The following DOCK9 variants were observed in gnomAD, a reference collection of about 807,000 sequenced individuals.
DOCK9 encodes the protein dedicator of cytokinesis 9.
Under a neutral mutation model 263.3 loss-of-function variants are expected in DOCK9, and 89 were observed. The ratio of observed to expected loss-of-function variants is 0.34; its 90% CI spans 0.28 to 0.40. DOCK9 has a LOEUF of 0.40. Ranked by LOEUF, DOCK9 falls within the 10% of genes least tolerant of loss-of-function variation. The pLI is 1.00. For missense variants in DOCK9, 2,140 were observed against 2,603.4 expected (o/e 0.82, Z 3.87); for synonymous variants, 976 against 973.1 (o/e 1.00, Z -0.06).
intron 1 of DOCK9, among the ~76,000 whole-genome samples, chr13:98,960,177 T>C (rs2058481962): frequency 6.6e-6 from 1 of 152,214 alleles, no homozygotes; most frequent in African/African-American, 2.4e-5. Context: ...GTGACAGACT[T>C]CCGAGGGAGA....
chr13:98,833,193 T>C (rs2092835214), intron 39 of DOCK9: 1 of 123,998 alleles, frequency 8.1e-6, no homozygotes. Flanking sequence ...AACCATGATC[T>C]AATTCTCAAC....
intron 1 of DOCK9, among the ~76,000 whole-genome samples, chr13:98,990,210 G>A (rs368837061): frequency 6.6e-6 from 1 of 152,160 alleles, no homozygotes; most frequent in Non-Finnish European, 1.5e-5. Flanking sequence ...TCCACCATAA[G>A]AGGAAAAAAA....
intron 1 of DOCK9, among the ~76,000 whole-genome samples, chr13:99,081,694 A>G (rs2042126233): frequency 6.6e-6 from 1 of 152,220 alleles, no homozygotes; most frequent in African/African-American, 2.4e-5. Flanking sequence ...TCTTTAATAC[A>G]TCTGAAAGAC....
At chr13:98,830,757 C>T (rs2092726799) in intron 41 of DOCK9, among the ~76,000 whole-genome samples, 1 of 152,182 alleles carries the variant, frequency 6.6e-6, no homozygotes, top group Non-Finnish European at 1.5e-5. Context: ...GACTACACTC[C>T]ATGAGGGCTG....
At chr13:98,851,471 G>A (rs893782800) in intron 35 of DOCK9, among the ~76,000 whole-genome samples, 1 of 152,172 alleles carries the variant, frequency 6.6e-6, no homozygotes, top group Non-Finnish European at 1.5e-5. Context: ...GCAGACCCCT[G>A]TGGCCACCCT....
chr13:99,051,878 T>C (rs1047215508), intron 1 of DOCK9, among the ~76,000 whole-genome samples: 3 of 57,016 alleles, frequency 5.3e-5, no homozygotes, highest in South Asian at 6.3e-4. Context: ...AAAAAAAAAA[T>C]CAGAACTCAC....
At chr13:98,870,434 A>G (rs2094155451) in intron 27 of DOCK9, among the ~76,000 whole-genome samples, 1 of 152,174 alleles carries the variant, frequency 6.6e-6, no homozygotes, top group South Asian at 2.1e-4. Context: ...ATAGATGACC[A>G]ATTTCCAAGA....
At position 98,863,432 on chromosome 13, in the gene DOCK9, C is replaced by T. The variant is rs1326820679; in HGVS notation, c.3403G>A (p.Ala1135Thr). 3.1e-6 allele frequency: 5 copies of T among 1,613,790 alleles called. No individual in the cohort carries two copies. Among genetic ancestry groups the T allele is most frequent in the Middle Eastern group, 1.6e-4 (1 of 6,084 alleles). ...AGCAGGTTCTTGAGCACACTGATGG[C>T]GATCAGACGGACCTCCCGGAACTCC... ...LQEFREVRLI[A>T]ISVLKNLLIK... Residue 1135 changes from alanine to threonine, a missense_variant, in exon 31 of 53, where the codon GCC becomes ACC. Ala to Thr is a moderately conservative substitution (Grantham distance 58, BLOSUM62 0). This residue lies in a region of DOCK9 where 1,521 missense variants were observed against 1,741.7 expected (regional missense o/e 0.87). Transcript: ENST00000682017.
intron 45 of DOCK9, among the ~76,000 whole-genome samples, chr13:98,813,428 G>T (rs1236427932): frequency 6.6e-6 from 1 of 151,990 alleles, no homozygotes; most frequent in African/African-American, 2.4e-5. Context: ...ATTATGAATA[G>T]ATGTTGAATT....
intron 1 of DOCK9, among the ~76,000 whole-genome samples, chr13:99,011,549 T>C (rs989083169): frequency 6.6e-6 from 1 of 152,104 alleles, no homozygotes; most frequent in African/African-American, 2.4e-5. Flanking sequence ...ATTCCAGGGC[T>C]CCTCATAAAA....
At chr13:98,892,525 A>C (rs1168146283) in intron 15 of DOCK9, among the ~76,000 whole-genome samples, 2 of 152,226 alleles carry the variant, frequency 1.3e-5, no homozygotes, top group Non-Finnish European at 2.9e-5. Context: ...ATATGATTGA[A>C]AGAAATTTGA....
At position 98,881,803 on chromosome 13, in the gene DOCK9, A is replaced by G. The variant is rs113897186; in HGVS notation, c.2675+89T>C. 1,198 of 1,296,620 alleles carry G rather than the reference A, an allele frequency of 9.2e-4. 4 individuals carry two copies. The African/African-American group carries it at 0.014, about 15-fold the overall frequency. 80.3% of individuals were successfully genotyped at this position (1,296,620 alleles called of 1,614,324 possible). Reference sequence around the variant, plus strand: ...AAGACATTTCTTAAATGTAATGTTCAGCACACAGTAGCATCCCAGCTATGC... The same window carrying G: ...AAGACATTTCTTAAATGTAATGTTCGGCACACAGTAGCATCCCAGCTATGC... On this transcript the variant is annotated intron_variant, in intron 24 of 52. Transcript: ENST00000682017.
chr13:98,905,801 G>T (rs886537543), intron 9 of DOCK9, among the ~76,000 whole-genome samples: 10 of 151,190 alleles, frequency 6.6e-5, no homozygotes, highest in African/African-American at 2.4e-4. Flanking sequence ...AAAGGATTGG[G>T]GATTTCATTC....
intron 24 of DOCK9, 119 bp from the exon 25 acceptor site, chr13:98,881,746 G>C: frequency 1.6e-6 from 2 of 1,246,682 alleles, no homozygotes; most frequent in Non-Finnish European, 2.3e-6. Flanking sequence ...AAGGAGACAA[G>C]GAATTAGATG....
chr13:98,971,022 A>C (rs1366133721), intron 1 of DOCK9, among the ~76,000 whole-genome samples: 2 of 152,196 alleles, frequency 1.3e-5, no homozygotes, highest in Non-Finnish European at 2.9e-5. Flanking sequence ...CCTGAAACTA[A>C]AACTCCACAA....
chr13:99,025,740 A>C (rs1229963571), intron 1 of DOCK9, among the ~76,000 whole-genome samples: 2 of 152,274 alleles, frequency 1.3e-5, no homozygotes, highest in Non-Finnish European at 2.9e-5. Flanking sequence ...AAAAACTTAT[A>C]CATGAATGCT....
At chr13:98,810,099 A>T in intron 46 of DOCK9, 70 bp downstream of exon 46, 3 of 1,598,544 alleles carry the variant, frequency 1.9e-6, no homozygotes, top group South Asian at 2.3e-5. Flanking sequence ...TCTCACATAT[A>T]TGCAGGTCTG....
intron 38 of DOCK9, 91 bp downstream of exon 38, chr13:98,845,833 T>C: frequency 6.7e-7 from 1 of 1,502,406 alleles, no homozygotes; most frequent in Non-Finnish European, 9.0e-7. Context: ...AAAAATTGAG[T>C]TGGTGATGTG....
Position 98,920,944 on chromosome 13 carries a change from T to C in DOCK9, c.717+10A>G. 6.3e-7 allele frequency: 1 copy of C among 1,587,438 alleles called. No homozygotes were observed. The highest frequency in any genetic ancestry group is 1.2e-5 in the South Asian group (1 of 86,386). Reference sequence around the variant, plus strand: ...AGAAAACATAATGGTAAAACTCTTTTCATATTTACCTGAACGACACCCATA... The same window carrying C: ...AGAAAACATAATGGTAAAACTCTTTCCATATTTACCTGAACGACACCCATA... On this transcript the variant is annotated intron_variant, in intron 7 of 52. Transcript: ENST00000682017.
Sources: gnomAD v4.1 joint callset for allele counts (sites outside exome capture counted in the v4.1 genomes callset) on GRCh38, gnomAD v4.1.1 for gene constraint, gnomAD v4.1.1 regional missense constraint, MANE v1.5 for transcripts, NCBI Gene and HGNC (gene_info 2026-07-23, HGNC 2026-07-21) for gene names.